The following CADM1 variants were observed in gnomAD, a reference collection of about 807,000 sequenced individuals.
The protein encoded by CADM1 is TSLC-1.
CADM1 carries 15 observed loss-of-function variants against 53.1 expected under a neutral mutation model. The observed-to-expected ratio is 0.28, with a 90% CI of 0.19 to 0.44. CADM1 has a LOEUF of 0.44. Among genes scored for constraint, CADM1 ranks in the 20% least tolerant of loss-of-function variants. The pLI is 1.00. For missense variants in CADM1, 434 were observed against 611.3 expected, an observed-to-expected ratio of 0.71 and a Z score of 3.06; for synonymous variants, 281 against 243.0, an observed-to-expected ratio of 1.16 and a Z score of -1.45.
intron 1 of CADM1, among the ~76,000 whole-genome samples, chr11:115,440,156 T>C (rs1303813511): frequency 1.3e-5 from 2 of 152,258 alleles, no homozygotes; most frequent in Non-Finnish European, 2.9e-5. Flanking sequence ...AAAAAATTAG[T>C]TGGCATAATC....
At chr11:115,395,246 C>T (rs1291808577) in intron 1 of CADM1, among the ~76,000 whole-genome samples, 1 of 152,048 alleles carries the variant, frequency 6.6e-6, no homozygotes, top group African/African-American at 2.4e-5. Context: ...GAATCATTGA[C>T]GTAAAGTACA....
At chr11:115,214,823 C>T (rs1941109536) in intron 6 of CADM1, 43 bp from the exon 7 acceptor site, 1 of 1,592,144 alleles carries the variant, frequency 6.3e-7, no homozygotes, top group African/African-American at 1.3e-5. Context: ...TTATCATTCC[C>T]CATTGCATCA....
chr11:115,274,769 C>T (rs904226246), intron 1 of CADM1, among the ~76,000 whole-genome samples: 5 of 151,972 alleles, frequency 3.3e-5, no homozygotes, highest in Non-Finnish European at 5.9e-5. Flanking sequence ...CTATAAATAC[C>T]GGTATTTCTT....
chr11:115,399,128 T>C (rs936409349), intron 1 of CADM1: 5 of 152,168 alleles, frequency 3.3e-5, no homozygotes, highest in Non-Finnish European at 5.9e-5. Flanking sequence ...AAGAAAAAGA[T>C]ATCCAACTGA....
chr11:115,487,827 T>A (rs950118962), intron 1 of CADM1, among the ~76,000 whole-genome samples: 8 of 152,216 alleles, frequency 5.3e-5, no homozygotes, highest in African/African-American at 1.9e-4. Context: ...TCATCTTTTC[T>A]TCTTCTTGGA....
At chr11:115,502,324 CG>C (rs1949745081) in intron 1 of CADM1, among the ~76,000 whole-genome samples, 15 of 142,364 alleles carry the variant, frequency 1.1e-4, no homozygotes, top group Admixed American at 1.0e-3. Flanking sequence ...CACCGCCCCC[CG>C]GCTTTTTTTT....
chr11:115,295,343 C>T (rs1338026268), intron 1 of CADM1, among the ~76,000 whole-genome samples: 2 of 151,310 alleles, frequency 1.3e-5, no homozygotes, highest in Non-Finnish European at 2.9e-5. Flanking sequence ...ATCACTTGCC[C>T]TGCCTTTGTA....
chr11:115,436,764 G>T (rs914076315), intron 1 of CADM1, among the ~76,000 whole-genome samples: 1 of 152,160 alleles, frequency 6.6e-6, no homozygotes, highest in African/African-American at 2.4e-5. Context: ...CTGAAAGGGT[G>T]GGGCTTTGAC....
intron 1 of CADM1, among the ~76,000 whole-genome samples, chr11:115,411,853 A>T (rs988071074): frequency 6.6e-6 from 1 of 152,176 alleles, no homozygotes; most frequent in African/African-American, 2.4e-5. Context: ...ACAAATACAA[A>T]GTAAATTAAA....
At chr11:115,361,503 G>T (rs1300695260) in intron 1 of CADM1, among the ~76,000 whole-genome samples, 1 of 152,156 alleles carries the variant, frequency 6.6e-6, no homozygotes, top group Non-Finnish European at 1.5e-5. Context: ...TGTTGAAGGT[G>T]ACCCTGAATG....
At chr11:115,337,085 G>A (rs911712064) in intron 1 of CADM1, among the ~76,000 whole-genome samples, 1 of 152,154 alleles carries the variant, frequency 6.6e-6, no homozygotes, top group Non-Finnish European at 1.5e-5. Flanking sequence ...CAACTAGTAA[G>A]TAGCTAAACT....
At chr11:115,393,932 T>G (rs1946916202) in intron 1 of CADM1, among the ~76,000 whole-genome samples, 1 of 152,136 alleles carries the variant, frequency 6.6e-6, no homozygotes, top group African/African-American at 2.4e-5. Context: ...AAAGGCTGAA[T>G]TTATTGAAGA....
At chr11:115,312,293 A>G (rs1944552355) in intron 1 of CADM1, among the ~76,000 whole-genome samples, 1 of 152,174 alleles carries the variant, frequency 6.6e-6, no homozygotes, top group Non-Finnish European at 1.5e-5. Flanking sequence ...CCTAGACATT[A>G]AGCACATTCA....
intron 1 of CADM1, among the ~76,000 whole-genome samples, chr11:115,446,997 T>C (rs1348732923): frequency 6.6e-6 from 1 of 151,712 alleles, no homozygotes; most frequent in Admixed American, 6.6e-5. Flanking sequence ...AAAAAAGAGG[T>C]TTCAGGGACT....
intron 9 of CADM1, among the ~76,000 whole-genome samples, chr11:115,191,365 A>G (rs1939854225): frequency 6.6e-6 from 1 of 152,226 alleles, no homozygotes; most frequent in Non-Finnish European, 1.5e-5. Flanking sequence ...AATACTGACA[A>G]ACACAGTTCA....
At chr11:115,198,592 C>T (rs926794574) in intron 8 of CADM1, among the ~76,000 whole-genome samples, 154 bp from the exon 9 acceptor site, 3 of 152,172 alleles carry the variant, frequency 2.0e-5, no homozygotes, top group African/African-American at 7.2e-5. Context: ...AAGCAAAAAG[C>T]ATTTGAAGTG....
chr11:115,381,092 C>T (rs557125579), intron 1 of CADM1, among the ~76,000 whole-genome samples: 54 of 151,930 alleles, frequency 3.6e-4, no homozygotes, highest in Non-Finnish European at 6.8e-4. Context: ...GTCAGGAGTT[C>T]GAGACCAGCC....
rs1413688788 is a variant in CADM1, at chr11:115,430,687, A to G, written c.124+73584T>C. ...AATATTTCATGTTTTGCCTTTTTCAATGGAAAGCAGAGATTAAAAATGAAT... is the reference window on the plus strand; with the variant it reads ...AATATTTCATGTTTTGCCTTTTTCAGTGGAAAGCAGAGATTAAAAATGAAT... On this transcript the variant is annotated intron_variant, in intron 1 of 11. Transcript: ENST00000331581. Among the ~76,000 whole-genome samples, 2 of 152,176 alleles carry G rather than the reference A, an allele frequency of 1.3e-5. 1 individual carries two copies. Among genetic ancestry groups the G allele is most frequent in the African/African-American group, 4.8e-5 (2 of 41,444 alleles).
chr11:115,451,420 A>C (rs1241543002), intron 1 of CADM1, among the ~76,000 whole-genome samples: 7 of 152,228 alleles, frequency 4.6e-5, no homozygotes, highest in Non-Finnish European at 1.5e-5. Context: ...TTAAAGCCAC[A>C]AGGCTAATTT....
Sources: gnomAD v4.1 joint callset for allele counts (sites outside exome capture counted in the v4.1 genomes callset) on GRCh38, gnomAD v4.1.1 for gene constraint, MANE v1.5 for transcripts, NCBI Gene and HGNC (gene_info 2026-07-23, HGNC 2026-07-21) for gene names.